THEMIS: variants seen among roughly 807,000 people sequenced by gnomAD.
THEMIS encodes the protein thymocyte selection associated, also known as protein THEMIS.
THEMIS carries 37 observed loss-of-function variants against 52.6 expected under a neutral mutation model. The observed-to-expected ratio is 0.70, with a 90% confidence interval of 0.54 to 0.93. The LOEUF is 0.93. THEMIS is among the 40% of genes least tolerant of loss of function. The pLI, the probability that THEMIS is intolerant of heterozygous loss-of-function variation, is 0.00. For synonymous variants in THEMIS, 292 were observed against 272.7 expected, an observed-to-expected ratio of 1.07 and a Z score of -0.70; for missense variants, 808 against 763.1, an observed-to-expected ratio of 1.06 and a Z score of -0.69.
chr6:127,832,775 A>ATTTTTT (rs1251377975), intron 2 of THEMIS, among the ~76,000 whole-genome samples: 71 of 53,958 alleles, frequency 1.3e-3, no homozygotes, highest in East Asian at 2.3e-3. Flanking sequence ...GGATTGTCAG[A>ATTTTTT]TCTTTTTTTT....
intron 4 of THEMIS, among the ~76,000 whole-genome samples, chr6:127,766,347 C>T (rs924559970): frequency 1.3e-5 from 2 of 152,124 alleles, no homozygotes; most frequent in African/African-American, 4.8e-5. Flanking sequence ...AAATATGAAG[C>T]ATGAACTATT....
Position 127,708,896 on chromosome 6 carries a change from A to T in THEMIS, c.*1089T>A, listed in dbSNP as rs1450289915. ...CCACAAAACATAAAATAATTATGAG[A>T]TAGGATGTTAGCTAACAAATTTTGT... On this transcript the variant is annotated 3_prime_UTR_variant, in exon 6 of 6. Coordinates refer to ENST00000368248, the MANE Select transcript of THEMIS (RefSeq NM_001010923.3). 5.3e-5 allele frequency: 8 copies of T among 152,052 alleles called. No homozygotes were observed. Among genetic ancestry groups the T allele is most frequent in the Non-Finnish European group, 1.2e-4 (8 of 67,944 alleles). 9.4% of individuals were successfully genotyped at this position (152,052 alleles called of 1,614,324 possible).
intron 2 of THEMIS, among the ~76,000 whole-genome samples, chr6:127,845,453 T>G (rs1779181352): frequency 6.6e-6 from 1 of 151,874 alleles, no homozygotes. Context: ...CACTTTAACT[T>G]GTATTCCCAT....
At chr6:127,876,626 G>T (rs976504892) in intron 1 of THEMIS, among the ~76,000 whole-genome samples, 7 of 152,158 alleles carry the variant, frequency 4.6e-5, no homozygotes, top group African/African-American at 1.7e-4. Context: ...AGTTTGGTTA[G>T]GTTTGCAAAT....
At chr6:127,821,173 TGAGAGAGA>T (rs34348403) in intron 3 of THEMIS, among the ~76,000 whole-genome samples, 2 of 149,376 alleles carry the variant, frequency 1.3e-5, no homozygotes, top group Non-Finnish European at 3.0e-5. Context: ...TCTGTGTGTG[TGAGAGAGA>T]GAGAGAGAGA....
At chr6:127,803,470 T>G (rs1777602767) in intron 4 of THEMIS, among the ~76,000 whole-genome samples, 1 of 152,178 alleles carries the variant, frequency 6.6e-6, no homozygotes, top group South Asian at 2.1e-4. Context: ...ACATTAACCC[T>G]TTATTAATCT....
intron 1 of THEMIS, among the ~76,000 whole-genome samples, chr6:127,871,266 A>T (rs1286531775): frequency 6.6e-6 from 1 of 152,074 alleles, no homozygotes; most frequent in African/African-American, 2.4e-5. Context: ...TTATATATGC[A>T]TATAATACAT....
chr6:127,769,286 G>A (rs1776296554), intron 4 of THEMIS, among the ~76,000 whole-genome samples: 2 of 151,008 alleles, frequency 1.3e-5, no homozygotes, highest in Admixed American at 1.3e-4. Flanking sequence ...CATTGAAGGA[G>A]TTGCATTAAA....
At chr6:127,819,333 T>C (rs1484562431) in intron 3 of THEMIS, among the ~76,000 whole-genome samples, 3 of 151,842 alleles carry the variant, frequency 2.0e-5, no homozygotes, top group South Asian at 2.1e-4. Flanking sequence ...GTAAGACAAC[T>C]GCAAAAGATG....
chr6:127,912,784 C>A (rs2114534564), intron 1 of THEMIS, among the ~76,000 whole-genome samples: 1 of 152,284 alleles, frequency 6.6e-6, no homozygotes, highest in South Asian at 2.1e-4. Context: ...AGAGGAAAAT[C>A]TATAATCTTC....
intron 4 of THEMIS, among the ~76,000 whole-genome samples, chr6:127,730,576 G>A (rs10457503): frequency 0.49 from 74,728 of 151,882 alleles, 19,628 homozygotes; most frequent in Non-Finnish European, 0.6. Flanking sequence ...ATCATTTAAT[G>A]TTTTTATTAT....
At chr6:127,829,416 T>C in intron 3 of THEMIS, 60 bp downstream of exon 3, 1 of 1,401,292 alleles carries the variant, frequency 7.1e-7, no homozygotes, top group Non-Finnish European at 9.7e-7. Context: ...TCTAAAATCT[T>C]TCTTTCCCAA....
intron 5 of THEMIS, 96 bp downstream of exon 5, chr6:127,719,592 T>C: frequency 8.3e-7 from 1 of 1,201,742 alleles, no homozygotes. Flanking sequence ...AGTCATATAT[T>C]CCAAATAAAA....
At chr6:127,786,016 G>A (rs1268920156) in intron 4 of THEMIS, among the ~76,000 whole-genome samples, 3 of 151,980 alleles carry the variant, frequency 2.0e-5, no homozygotes, top group African/African-American at 4.8e-5. Context: ...TTAGGAAGCA[G>A]CTTTATTTAT....
intron 4 of THEMIS, among the ~76,000 whole-genome samples, chr6:127,759,841 TCCCTC>T (rs201342312): frequency 0.12 from 9,303 of 74,644 alleles, 356 homozygotes; most frequent in Non-Finnish European, 0.14. Context: ...CCTCCCTCCC[TCCCTC>T]CCTCCCTCCC....
chr6:127,765,697 A>G (rs1776173065), intron 4 of THEMIS, among the ~76,000 whole-genome samples: 1 of 152,090 alleles, frequency 6.6e-6, no homozygotes, highest in Admixed American at 6.6e-5. Context: ...GATACACAAT[A>G]CTTACCACTG....
chr6:127,812,341 C>T (rs899934255), intron 4 of THEMIS, among the ~76,000 whole-genome samples: 5 of 152,108 alleles, frequency 3.3e-5, no homozygotes, highest in African/African-American at 1.2e-4. Flanking sequence ...GATTACGATT[C>T]TAAGATAAGC....
chr6:127,719,581 G>T, intron 5 of THEMIS, 107 bp downstream of exon 5: 4 of 1,041,360 alleles, frequency 3.8e-6, no homozygotes, highest in Non-Finnish European at 5.5e-6. Context: ...CACTTGGGCT[G>T]AGTCATATAT....
intron 4 of THEMIS, among the ~76,000 whole-genome samples, chr6:127,758,688 G>A (rs1775916933): frequency 6.6e-6 from 1 of 151,908 alleles, no homozygotes; most frequent in Non-Finnish European, 1.5e-5. Context: ...TGCATATCAA[G>A]ATTTCTAATT....
Sources: gnomAD v4.1 joint callset for allele counts (sites outside exome capture counted in the v4.1 genomes callset) on GRCh38, gnomAD v4.1.1 for gene constraint, MANE v1.5 for transcripts, NCBI Gene and HGNC (gene_info 2026-07-23, HGNC 2026-07-21) for gene names.